Variants in GALNS observed in about 807,000 individuals in gnomAD.
The protein encoded by GALNS is N-acetylgalactosamine-6-sulfatase.
Under a neutral mutation model 65.9 loss-of-function variants are expected in GALNS, and 65 were observed. The observed-to-expected ratio is 0.99, with a 90% CI of 0.81 to 1.21. GALNS has a LOEUF of 1.21. GALNS is among the 50% of genes most tolerant of loss of function. GALNS has a pLI of 0.00. For synonymous variants in GALNS, 346 were observed against 288.9 expected (o/e 1.20, Z -2.00); for missense variants, 776 against 700.7 (o/e 1.11, Z -1.21).
chr16:88,826,104 G>T (rs986096560), intron 10 of GALNS, among the ~76,000 whole-genome samples: 1 of 151,840 alleles, frequency 6.6e-6, no homozygotes, highest in Non-Finnish European at 1.5e-5. Flanking sequence ...AGGAAGCCAT[G>T]AGGCACCAAA....
chr16:88,818,368 C>T (rs1196173534), intron 12 of GALNS, among the ~76,000 whole-genome samples: 1 of 152,220 alleles, frequency 6.6e-6, no homozygotes, highest in Non-Finnish European at 1.5e-5. Context: ...GCAGGCCAAG[C>T]CCTGGCAGAG....
intron 8 of GALNS, among the ~76,000 whole-genome samples, chr16:88,834,602 C>A (rs376935584): frequency 1.4e-4 from 15 of 106,000 alleles, no homozygotes; most frequent in East Asian, 1.2e-3. Flanking sequence ...GCTGTAGGGC[C>A]CCCCCCGTGT....
chr16:88,837,953 G>A (rs1912318041), intron 4 of GALNS, 188 bp from the exon 5 acceptor site: 1 of 618,232 alleles, frequency 1.6e-6, no homozygotes, highest in Admixed American at 2.7e-5. Flanking sequence ...TGCTGGCACT[G>A]CCCGCCTACC....
At chr16:88,838,373 G>A (rs1002485486) in intron 4 of GALNS, among the ~76,000 whole-genome samples, 1 of 152,108 alleles carries the variant, frequency 6.6e-6, no homozygotes, top group Non-Finnish European at 1.5e-5. Flanking sequence ...AGGGATTAGA[G>A]TGACGACAAG....
rs1258727827 is a variant in GALNS, at chr16:88,836,284, T to C, written c.567-17A>G. On this transcript the variant is annotated splice_polypyrimidine_tract_variant and intron_variant, in intron 5 of 13. Transcript: ENST00000268695. ...TCATAATATCTGAAAAGAACACAGA[T>C]CCAGACAGACTTCAGAATTTAGGCC... The C allele has an allele frequency of 3.1e-6, 5 of 1,603,266 alleles. No homozygotes were observed. Among genetic ancestry groups the C allele is most frequent in the Non-Finnish European group, 3.4e-6 (4 of 1,173,238 alleles).
chr16:88,842,638 G>T (rs986024399), intron 2 of GALNS, 68 bp downstream of exon 2: 4 of 1,583,432 alleles, frequency 2.5e-6, no homozygotes, highest in Admixed American at 3.5e-5. Flanking sequence ...GTCAGGGCTG[G>T]AAGGACCCGG....
At chr16:88,853,910 G>C (rs568405591) in intron 1 of GALNS, among the ~76,000 whole-genome samples, 1 of 152,194 alleles carries the variant, frequency 6.6e-6, no homozygotes, top group African/African-American at 2.4e-5. Flanking sequence ...TTCTGGTCCC[G>C]ACTCTGGGGG....
intron 9 of GALNS, among the ~76,000 whole-genome samples, chr16:88,829,690 G>A (rs1384990150): frequency 3.9e-5 from 6 of 152,364 alleles, no homozygotes; most frequent in African/African-American, 1.4e-4. Context: ...TCCCACCTCT[G>A]CTCCCTAGTA....
intron 10 of GALNS, among the ~76,000 whole-genome samples, chr16:88,825,967 G>A (rs1426482523): frequency 6.6e-6 from 1 of 152,230 alleles, no homozygotes; most frequent in Non-Finnish European, 1.5e-5. Flanking sequence ...CGTGGTTTGA[G>A]TGGAATGGTG....
At position 88,836,228 on chromosome 16, in the gene GALNS, T is replaced by C; in HGVS notation, c.606A>G (p.Glu202=). 6.2e-7 allele frequency: 1 copy of C among 1,613,534 alleles called. No individual in the cohort carries two copies. The highest frequency in any genetic ancestry group is 8.5e-7 in the Non-Finnish European group (1 of 1,179,840). The change falls in exon 6 of 14, where the codon GAA becomes GAG. Residue 202 remains glutamate (E), a synonymous_variant. Coordinates refer to ENST00000268695, the MANE Select transcript of GALNS (RefSeq NM_000512.5). ...GCAGGTAGATCTGGGTGAGGTTGGCTTCCCCCGTCTTCAGATTAATAGGAA... is the reference window on the plus strand; with the variant it reads ...GCAGGTAGATCTGGGTGAGGTTGGCCTCCCCCGTCTTCAGATTAATAGGAA... ...EEFPINLKTG[E]ANLTQIYLQE... is the part of the protein sequence containing the mutation.
At chr16:88,825,758 G>C (rs1001096714) in intron 10 of GALNS, among the ~76,000 whole-genome samples, 1 of 152,074 alleles carries the variant, frequency 6.6e-6, no homozygotes, top group Admixed American at 6.5e-5. Flanking sequence ...AGTCAGGAAC[G>C]GGGAGTGGGG....
chr16:88,817,383 T>C, intron 13 of GALNS: 1 of 985,402 alleles, frequency 1.0e-6, no homozygotes, highest in African/African-American at 1.7e-5. Flanking sequence ...CCTGGTCTTG[T>C]CAGGCTGCAC....
Position 88,855,445 on chromosome 16 carries a change from A to G in GALNS, c.120+1313T>C, listed in dbSNP as rs190743001. Reference sequence around the variant, plus strand: ...TATCTTTAGGAGGGAGATGCCACTCAGTGCAGAGAAAGGCCCGGCTACTGC... The same window carrying G: ...TATCTTTAGGAGGGAGATGCCACTCGGTGCAGAGAAAGGCCCGGCTACTGC... On this transcript the variant is annotated intron_variant, in intron 1 of 13. Coordinates refer to ENST00000268695, the MANE Select transcript of GALNS (RefSeq NM_000512.5). 1.3e-4 allele frequency: 90 copies of G among 702,872 alleles called. 1 individual carries two copies. The highest frequency in any genetic ancestry group is 6.9e-4 in the Middle Eastern group (3 of 4,370). The allele number at this position is 702,872 out of a possible 1,614,324, so 43.5% of individuals were successfully genotyped here.
chr16:88,835,213 C>G lies in GALNS; in HGVS notation c.898G>C (p.Gly300Arg), dbSNP rs1463341683. Residue 300 changes from glycine to arginine, a missense_variant and splice_region_variant, in exon 8 of 14, where the codon GGT becomes CGT. Gly to Arg is a moderately radical substitution (Grantham distance 125). Transcript: ENST00000268695. ...GTGAGAAGTGACAGCGAGCACTCAC[C>G]TTGTTCGGGGGCGGAAATGAGGGCA... ...GAALISAPEQ[G>R]GSNGPFLCGK... The G allele has an allele frequency of 6.3e-7, 1 of 1,580,460 alleles. No homozygotes were observed.
At chr16:88,815,690 G>A (rs975788023) in intron 13 of GALNS, 8 of 985,354 alleles carry the variant, frequency 8.1e-6, no homozygotes, top group Admixed American at 6.1e-5. Context: ...TTTGGATTCT[G>A]GGTGCTGCTC....
At chr16:88,851,573 G>C (rs1967510942) in intron 1 of GALNS, among the ~76,000 whole-genome samples, 1 of 152,228 alleles carries the variant, frequency 6.6e-6, no homozygotes, top group African/African-American at 2.4e-5. Flanking sequence ...CACTCAGGAA[G>C]TGCGAGGGGT....
At chr16:88,854,615 G>A (rs999554462) in intron 1 of GALNS, among the ~76,000 whole-genome samples, 3 of 152,232 alleles carry the variant, frequency 2.0e-5, no homozygotes, top group Non-Finnish European at 2.9e-5. Context: ...CCCACATCAC[G>A]CTAACATGAC....
At chr16:88,834,798 C>T (rs542916055) in intron 8 of GALNS, among the ~76,000 whole-genome samples, 16 of 152,262 alleles carry the variant, frequency 1.1e-4, no homozygotes, top group African/African-American at 2.6e-4. Context: ...GGAGGCAGCC[C>T]GGCCCCTGGG....
Position 88,835,644 on chromosome 16 carries a change from C to T in GALNS, c.758+81G>A, listed in dbSNP as rs541906628. On this transcript the variant is annotated intron_variant, in intron 7 of 13. Coordinates refer to ENST00000268695, the MANE Select transcript of GALNS (RefSeq NM_000512.5). ...CTTTCCATAATTGGCCTAAATGCCA[C>T]GGTACTGAGTGTCCCATCTCTGGAG... is the stretch of plus-strand genomic sequence containing the variant. 10 of 1,597,156 alleles carry T rather than the reference C, an allele frequency of 6.3e-6. No homozygotes were observed. The Middle Eastern group carries it at 5.0e-4, about 79-fold the overall frequency.
Sources: allele counts gnomAD v4.1 joint callset (sites outside exome capture counted in the v4.1 genomes callset), GRCh38; gene constraint gnomAD v4.1.1; transcripts MANE v1.5; gene names NCBI Gene and HGNC (gene_info 2026-07-23, HGNC 2026-07-21).